Variants in GXYLT2 observed in about 807,000 individuals in gnomAD.
The protein encoded by GXYLT2 is glucoside xylosyltransferase 2.
Under a neutral mutation model 45.8 loss-of-function variants are expected in GXYLT2, and 53 were observed. That is an observed-to-expected ratio of 1.16 (90% CI 0.93 to 1.46). The LOEUF (loss-of-function observed/expected upper bound fraction) is 1.46. GXYLT2 is among the 40% of genes most tolerant of loss of function. The pLI, the probability that GXYLT2 is intolerant of heterozygous loss-of-function variation, is 0.00. For missense variants in GXYLT2, 551 were observed against 544.4 expected, an observed-to-expected ratio of 1.01 and a Z score of -0.12; for synonymous variants, 219 against 214.2, an observed-to-expected ratio of 1.02 and a Z score of -0.19.
intron 2 of GXYLT2, among the ~76,000 whole-genome samples, chr3:72,921,389 T>A (rs1709831164): frequency 6.6e-6 from 1 of 152,156 alleles, no homozygotes; most frequent in African/African-American, 2.4e-5. Context: ...ATCTACTTTA[T>A]TCTAACTGTA....
At chr3:72,900,642 T>A (rs13093328) in intron 1 of GXYLT2, among the ~76,000 whole-genome samples, 2 of 151,308 alleles carry the variant, frequency 1.3e-5, no homozygotes, top group African/African-American at 4.9e-5. Context: ...GGTCTCAAAC[T>A]CCTGACCTCA....
chr3:72,922,315 G>T lies in GXYLT2; in HGVS notation c.580G>T (p.Ala194Ser), dbSNP rs1709846309. 1.2e-6 allele frequency: 2 copies of T among 1,611,966 alleles called. No individual in the cohort carries two copies. Among genetic ancestry groups the T allele is most frequent in the Admixed American group, 3.4e-5 (2 of 59,480 alleles). ...GAAGAAATTGTTCAAACCCTGTGCT[G>T]CCCAGAGACTCTTTCTTCCGGTAGG... ...EWKKLFKPCA[A>S]QRLFLPVILK... The change falls in exon 3 of 7, where the codon GCC becomes TCC. Residue 194 changes from alanine to serine, a missense_variant. Physicochemically the swap from Ala to Ser is moderately conservative, Grantham distance 99. Coordinates refer to ENST00000389617, the MANE Select transcript of GXYLT2 (RefSeq NM_001080393.2).
At chr3:72,946,888 AT>A (rs1195768170) in intron 3 of GXYLT2, among the ~76,000 whole-genome samples, 1 of 152,088 alleles carries the variant, frequency 6.6e-6, no homozygotes, top group African/African-American at 2.4e-5. Context: ...CAGTGGTGTG[AT>A]CATAGCTCAC....
intron 3 of GXYLT2, chr3:72,928,963 C>T: frequency 2.4e-6 from 2 of 847,038 alleles, no homozygotes; most frequent in South Asian, 1.4e-5. Flanking sequence ...CACCACTTCA[C>T]CGCGCCCTCG....
intron 3 of GXYLT2, among the ~76,000 whole-genome samples, chr3:72,932,604 T>C (rs989101153): frequency 2.6e-5 from 4 of 152,166 alleles, no homozygotes; most frequent in Non-Finnish European, 4.4e-5. Flanking sequence ...GGATTGGGTT[T>C]TACCACAAGA....
intron 1 of GXYLT2, among the ~76,000 whole-genome samples, chr3:72,888,825 A>C (rs1709121028): frequency 6.6e-6 from 1 of 152,172 alleles, no homozygotes; most frequent in East Asian, 1.9e-4. Context: ...ATTTGTCAAA[A>C]GCCATCACGG....
At chr3:72,958,109 A>G (rs1324554545) in intron 5 of GXYLT2, among the ~76,000 whole-genome samples, 2 of 142,378 alleles carry the variant, frequency 1.4e-5, no homozygotes, top group African/African-American at 5.6e-5. Flanking sequence ...CATCTCTACT[A>G]AAAATACAAA....
At chr3:72,929,993 G>T (rs984992992) in intron 3 of GXYLT2, among the ~76,000 whole-genome samples, 3 of 150,560 alleles carry the variant, frequency 2.0e-5, no homozygotes, top group Non-Finnish European at 4.4e-5. Context: ...ATGGTGAAAT[G>T]GTGTCTCTAC....
At chr3:72,902,008 A>T (rs1709418168) in intron 1 of GXYLT2, among the ~76,000 whole-genome samples, 1 of 152,196 alleles carries the variant, frequency 6.6e-6, no homozygotes, top group Admixed American at 6.5e-5. Context: ...ATGCATCGTT[A>T]TCATACTTGA....
At chr3:72,927,960 A>G (rs1709951545) in intron 3 of GXYLT2, among the ~76,000 whole-genome samples, 1 of 152,236 alleles carries the variant, frequency 6.6e-6, no homozygotes, top group Non-Finnish European at 1.5e-5. Context: ...TCTAACTGCA[A>G]AGTCCACACT....
chr3:72,943,963 C>T lies in GXYLT2; in HGVS notation c.601-11135C>T, dbSNP rs570728979. 5.4e-4 allele frequency among the ~76,000 whole-genome samples: 82 copies of T among 152,100 alleles called. 1 individual carries two copies. In the South Asian group the frequency reaches 0.017, roughly 31 times the overall value. On this transcript the variant is annotated intron_variant, in intron 3 of 6. Coordinates refer to ENST00000389617, the MANE Select transcript of GXYLT2 (RefSeq NM_001080393.2). ...CCTTCCAAAGTGCTGGGATTACAGG[C>T]GTGAGCCACCATGCCTGGCTGGGAG...
At chr3:72,893,458 C>T (rs1288381244) in intron 1 of GXYLT2, among the ~76,000 whole-genome samples, 1 of 152,208 alleles carries the variant, frequency 6.6e-6, no homozygotes, top group East Asian at 1.9e-4. Flanking sequence ...CTCCATCACT[C>T]TCTTCTTCCT....
rs1050270872 is a variant in GXYLT2, at chr3:72,954,995, G to C, written c.601-103G>C. The C allele has an allele frequency of 6.1e-6, 7 of 1,146,150 alleles. No homozygotes were observed. The African/African-American group carries it at 7.7e-5, about 13-fold the overall frequency. 71.0% of individuals were successfully genotyped at this position (1,146,150 alleles called of 1,614,324 possible). A position where few individuals can be genotyped will look rare whatever the true frequency, so the allele number is the denominator to read the frequency against. On this transcript the variant is annotated intron_variant, in intron 3 of 6. Transcript: ENST00000389617. ...AATTTAATACGAATCAACAAAAGTT[G>C]GTAGCATTATTTACCTATCAGGCTA...
chr3:72,918,752 C>T (rs1352414659), intron 2 of GXYLT2, among the ~76,000 whole-genome samples: 1 of 151,892 alleles, frequency 6.6e-6, no homozygotes, highest in Admixed American at 6.6e-5. Context: ...TGCTTGAACC[C>T]GGGAGGCAGA....
At chr3:72,936,989 A>C (rs1710196538) in intron 3 of GXYLT2, among the ~76,000 whole-genome samples, 1 of 152,174 alleles carries the variant, frequency 6.6e-6, no homozygotes, top group South Asian at 2.1e-4. Flanking sequence ...AATAATTGGA[A>C]TTGGTGGTTT....
intron 5 of GXYLT2, among the ~76,000 whole-genome samples, chr3:72,960,071 G>A (rs1315553080): frequency 5.3e-5 from 8 of 151,982 alleles, no homozygotes; most frequent in Admixed American, 4.6e-4. Flanking sequence ...TCAGCCTCCC[G>A]AGCAGCTGGG....
intron 3 of GXYLT2, among the ~76,000 whole-genome samples, chr3:72,942,287 A>G (rs1196974285): frequency 6.6e-6 from 1 of 152,018 alleles, no homozygotes; most frequent in Non-Finnish European, 1.5e-5. Flanking sequence ...TACATAACTG[A>G]ATAAATAAAT....
At chr3:72,929,355 T>C in intron 3 of GXYLT2, 1 of 1,044,056 alleles carries the variant, frequency 9.6e-7, no homozygotes, top group Non-Finnish European at 1.5e-6. Flanking sequence ...GAGTGTGCAT[T>C]ACATTTGGGG....
At chr3:72,902,219 C>T (rs577463683) in intron 1 of GXYLT2, among the ~76,000 whole-genome samples, 4 of 152,268 alleles carry the variant, frequency 2.6e-5, no homozygotes, top group Non-Finnish European at 4.4e-5. Context: ...ACTTCTGGGT[C>T]ATATGGTACC....
Sources: allele counts gnomAD v4.1 joint callset (sites outside exome capture counted in the v4.1 genomes callset), GRCh38; gene constraint gnomAD v4.1.1; transcripts MANE v1.5; gene names NCBI Gene and HGNC (gene_info 2026-07-23, HGNC 2026-07-21).